ZNF385D: variants seen among roughly 807,000 people sequenced by gnomAD.
ZNF385D encodes zinc finger protein 385D.
A neutral mutation model predicts 35.8 loss-of-function variants in ZNF385D; 15 were observed. The ratio of observed to expected loss-of-function variants is 0.42; its 90% CI spans 0.28 to 0.64. The LOEUF is 0.64. ZNF385D is among the 30% of genes least tolerant of loss of function. The probability of loss-of-function intolerance (pLI) is 0.23; values close to 1 mark genes in which losing one functional copy is unlikely to be tolerated. For missense variants in ZNF385D, 474 were observed against 494.6 expected (o/e 0.96, Z 0.39); for synonymous variants, 212 against 186.8 (o/e 1.13, Z -1.10).
At chr3:22,125,443 T>C (rs567589508) in intron 3 of ZNF385D, among the ~76,000 whole-genome samples, 3 of 152,132 alleles carry the variant, frequency 2.0e-5, no homozygotes, top group Non-Finnish European at 4.4e-5. Flanking sequence ...TTTCTATCTT[T>C]GTGAAGATTG....
chr3:21,672,712 C>CA (rs1275719960), intron 1 of ZNF385D, among the ~76,000 whole-genome samples: 2 of 152,106 alleles, frequency 1.3e-5, no homozygotes, highest in African/African-American at 4.8e-5. Flanking sequence ...CACCTCAACA[C>CA]ACTTGGAAGG....
intron 2 of ZNF385D, among the ~76,000 whole-genome samples, chr3:22,279,533 C>A (rs1701615548): frequency 7.1e-6 from 1 of 140,930 alleles, no homozygotes; most frequent in African/African-American, 2.7e-5. Flanking sequence ...TACATATGTA[C>A]ATATATATGT....
At chr3:22,009,655 G>A (rs1180520673) in intron 3 of ZNF385D, among the ~76,000 whole-genome samples, 2 of 150,352 alleles carry the variant, frequency 1.3e-5, no homozygotes, top group African/African-American at 4.9e-5. Flanking sequence ...AAGATTCAAT[G>A]AGAAATCAAG....
intron 3 of ZNF385D, among the ~76,000 whole-genome samples, chr3:21,525,522 T>C (rs529563594): frequency 6.6e-6 from 1 of 151,814 alleles, no homozygotes; most frequent in East Asian, 2.0e-4. Flanking sequence ...CCGTCTCTAC[T>C]AAAAATACAA....
intron 2 of ZNF385D, among the ~76,000 whole-genome samples, chr3:21,582,460 A>G (rs555452666): frequency 1.4e-4 from 22 of 152,278 alleles, no homozygotes; most frequent in African/African-American, 3.8e-4. Context: ...TCTCTTCTGC[A>G]TATTTTTTTT....
chr3:22,307,525 C>T (rs960454716), intron 2 of ZNF385D, among the ~76,000 whole-genome samples: 2 of 152,040 alleles, frequency 1.3e-5, no homozygotes, highest in Non-Finnish European at 2.9e-5. Context: ...TGTGTGTGTG[C>T]ACACGTACAC....
chr3:21,501,021 C>A (rs921810075), intron 4 of ZNF385D, among the ~76,000 whole-genome samples: 1 of 152,098 alleles, frequency 6.6e-6, no homozygotes, highest in African/African-American at 2.4e-5. Context: ...ATCACTGCAC[C>A]CCGCATTTGC....
intron 2 of ZNF385D, among the ~76,000 whole-genome samples, chr3:22,181,315 C>A (rs978489387): frequency 2.0e-5 from 3 of 151,974 alleles, no homozygotes; most frequent in Non-Finnish European, 4.4e-5. Flanking sequence ...TAGGATGGCC[C>A]CTCTAATTTC....
At chr3:22,298,394 G>GTGTGTATA (rs1413820174) in intron 2 of ZNF385D, among the ~76,000 whole-genome samples, 1 of 135,568 alleles carries the variant, frequency 7.4e-6, no homozygotes, top group Non-Finnish European at 1.6e-5. Context: ...GTGTGTGTGT[G>GTGTGTATA]TATATATATG....
intron 2 of ZNF385D, among the ~76,000 whole-genome samples, chr3:22,203,810 C>A (rs1056446905): frequency 2.6e-5 from 4 of 152,124 alleles, no homozygotes; most frequent in African/African-American, 9.6e-5. Context: ...AGTATTAGCT[C>A]AGTCGCAGTA....
intron 3 of ZNF385D, among the ~76,000 whole-genome samples, chr3:22,012,145 A>C (rs13078946): frequency 0.11 from 16,299 of 152,152 alleles, 1,162 homozygotes; most frequent in South Asian, 0.26. Context: ...TAGAGTTTTC[A>C]CTTTTTTCCT....
At chr3:22,134,823 G>C (rs183017428) in intron 3 of ZNF385D, among the ~76,000 whole-genome samples, 3 of 152,016 alleles carry the variant, frequency 2.0e-5, no homozygotes, top group African/African-American at 7.2e-5. Flanking sequence ...ATAAAAGAGG[G>C]GTCTAACTCA....
chr3:21,814,397 A>T (rs1328997319), intron 3 of ZNF385D, among the ~76,000 whole-genome samples: 5 of 151,498 alleles, frequency 3.3e-5, no homozygotes, highest in Non-Finnish European at 7.4e-5. Flanking sequence ...TAAAAGACAC[A>T]GACTGGTCAA....
rs1023701507 is a variant in ZNF385D, at chr3:21,510,921, C to T, written c.379G>A (p.Ala127Thr). 85 of 1,613,988 alleles carry T rather than the reference C, an allele frequency of 5.3e-5. No individual in the cohort carries two copies. In the East Asian group the frequency reaches 1.3e-3, roughly 25 times the overall value. Residue 127 changes from alanine (A) to threonine (T), a missense_variant, in exon 4 of 8, where the codon GCA becomes ACA. Transcript: ENST00000281523. The part of the protein sequence containing the change: ...KQKSVTAKDS[A>T]KTTFTSITTN... ...GTGATGGAGGTGAAGGTAGTCTTTG[C>T]GCTGTCCTTGGCAGTTACAGATTTC...
intron 3 of ZNF385D, among the ~76,000 whole-genome samples, chr3:21,794,317 G>C (rs1575661439): frequency 2.0e-5 from 3 of 152,084 alleles, no homozygotes; most frequent in Admixed American, 2.0e-4. Context: ...GATCTAGTAA[G>C]GTGACTGGAC....
Position 21,664,882 on chromosome 3 carries a change from T to C in ZNF385D, c.165+4A>G, listed in dbSNP as rs777221579. The C allele has an allele frequency of 1.2e-5, 19 of 1,613,480 alleles. No homozygotes were observed. Among genetic ancestry groups the C allele is most frequent in the Non-Finnish European group, 1.4e-5 (16 of 1,179,642 alleles). On this transcript the variant is annotated splice_donor_region_variant and intron_variant, in intron 2 of 7. Transcript: ENST00000281523. ...AGGCAAAGACAAATTTGGCAGGTAC[T>C]TACCGCATTGAAATTGGGGAAGAGG...
intron 2 of ZNF385D, among the ~76,000 whole-genome samples, chr3:21,634,818 C>T (rs1211404669): frequency 7.0e-6 from 1 of 143,746 alleles, no homozygotes; most frequent in Non-Finnish European, 1.5e-5. Flanking sequence ...TTGGCTTACT[C>T]TTTTTTTTTT....
intron 3 of ZNF385D, among the ~76,000 whole-genome samples, chr3:22,146,493 T>C (rs971434420): frequency 6.6e-6 from 1 of 152,198 alleles, no homozygotes; most frequent in African/African-American, 2.4e-5. Flanking sequence ...AAGTAATATC[T>C]ACTTAGGTCC....
At chr3:22,287,720 T>A (rs1285419215) in intron 2 of ZNF385D, among the ~76,000 whole-genome samples, 1 of 152,084 alleles carries the variant, frequency 6.6e-6, no homozygotes, top group Non-Finnish European at 1.5e-5. Context: ...CAACAAGATA[T>A]TATAGCTATA....
Sources: gnomAD v4.1 joint callset for allele counts (sites outside exome capture counted in the v4.1 genomes callset) on GRCh38, gnomAD v4.1.1 for gene constraint, MANE v1.5 for transcripts, NCBI Gene and HGNC (gene_info 2026-07-23, HGNC 2026-07-21) for gene names.